Variants in AGPS observed in about 807,000 individuals in gnomAD.
AGPS encodes the protein alkylglycerone phosphate synthase.
Under a neutral mutation model 90.7 loss-of-function variants are expected in AGPS, and 26 were observed. The ratio of observed to expected loss-of-function variants is 0.29; its 90% CI spans 0.21 to 0.40. The LOEUF is 0.40. AGPS is among the 10% of genes least tolerant of loss of function. The pLI is 1.00. For synonymous variants in AGPS, 294 were observed against 285.3 expected (o/e 1.03, Z -0.31); for missense variants, 540 against 816.1 (o/e 0.66, Z 4.12).
intron 8 of AGPS, among the ~76,000 whole-genome samples, chr2:177,446,083 A>G (rs1686760059): frequency 6.6e-6 from 1 of 152,284 alleles, no homozygotes; most frequent in Admixed American, 6.5e-5. Context: ...AGTCTGAGTT[A>G]GCAAAAAAGG....
At chr2:177,480,257 G>T (rs1687904601) in intron 10 of AGPS, among the ~76,000 whole-genome samples, 1 of 152,062 alleles carries the variant, frequency 6.6e-6, no homozygotes, top group Non-Finnish European at 1.5e-5. Flanking sequence ...AAATCGTGCT[G>T]CTATAAAGAC....
At chr2:177,418,432 A>G (rs1364994875) in intron 1 of AGPS, among the ~76,000 whole-genome samples, 1 of 152,098 alleles carries the variant, frequency 6.6e-6, no homozygotes, top group Non-Finnish European at 1.5e-5. Context: ...TTGTTAAGCT[A>G]CATAAACATG....
At chr2:177,504,281 A>T (rs868240666) in intron 14 of AGPS, among the ~76,000 whole-genome samples, 1 of 149,318 alleles carries the variant, frequency 6.7e-6, no homozygotes, top group Admixed American at 6.8e-5. Flanking sequence ...CACTTGCCAC[A>T]GCAGTTTTCT....
intron 19 of AGPS, among the ~76,000 whole-genome samples, chr2:177,525,601 C>CAT (rs1175998459): frequency 6.6e-6 from 1 of 152,180 alleles, no homozygotes; most frequent in Admixed American, 6.5e-5. Context: ...GCAGCTGAAT[C>CAT]ATATATATAA....
chr2:177,446,403 A>T (rs1057167282), intron 8 of AGPS, among the ~76,000 whole-genome samples: 2 of 152,020 alleles, frequency 1.3e-5, no homozygotes, highest in African/African-American at 4.8e-5. Context: ...GGCCTCCTGA[A>T]GTGTTGGGAT....
chr2:177,525,867 C>G (rs2079082179), intron 19 of AGPS, among the ~76,000 whole-genome samples: 1 of 152,114 alleles, frequency 6.6e-6, no homozygotes, highest in Non-Finnish European at 1.5e-5. Flanking sequence ...TTGTAAGATG[C>G]AGAAAGTGTA....
intron 18 of AGPS, among the ~76,000 whole-genome samples, chr2:177,522,842 T>G: frequency 6.6e-6 from 1 of 152,306 alleles, no homozygotes; most frequent in South Asian, 2.1e-4. Flanking sequence ...CCTGATAGTT[T>G]ATACATACAC....
chr2:177,463,366 C>T (rs1227312687), intron 9 of AGPS, among the ~76,000 whole-genome samples: 1 of 152,112 alleles, frequency 6.6e-6, no homozygotes, highest in African/African-American at 2.4e-5. Context: ...CTCAAAATCT[C>T]TGGTGTGTAG....
At chr2:177,395,807 T>C (rs557492450) in intron 1 of AGPS, among the ~76,000 whole-genome samples, 2 of 152,352 alleles carry the variant, frequency 1.3e-5, no homozygotes, top group South Asian at 4.1e-4. Context: ...TATCACATGG[T>C]TGGTTATATC....
chr2:177,462,984 A>G (rs1687344801), intron 9 of AGPS, among the ~76,000 whole-genome samples: 1 of 152,128 alleles, frequency 6.6e-6, no homozygotes, highest in Non-Finnish European at 1.5e-5. Flanking sequence ...TACTTAGATG[A>G]TTTCGTTTTT....
chr2:177,519,082 T>C (rs1410645139), intron 17 of AGPS, among the ~76,000 whole-genome samples: 6 of 152,156 alleles, frequency 3.9e-5, no homozygotes, highest in Non-Finnish European at 7.3e-5. Flanking sequence ...TCCTTTGATA[T>C]TGGTTTCTTC....
chr2:177,532,880 A>G (rs1301084114), intron 19 of AGPS, among the ~76,000 whole-genome samples: 1 of 152,186 alleles, frequency 6.6e-6, no homozygotes, highest in Non-Finnish European at 1.5e-5. Context: ...AATCCATCCC[A>G]AAAGGTTACA....
chr2:177,476,996 T>A (rs1409313271), intron 10 of AGPS, among the ~76,000 whole-genome samples: 1 of 152,112 alleles, frequency 6.6e-6, no homozygotes, highest in East Asian at 1.9e-4. Flanking sequence ...GCTGTTTGCA[T>A]TATATATATT....
intron 10 of AGPS, among the ~76,000 whole-genome samples, chr2:177,475,404 G>A (rs752639431): frequency 1.3e-5 from 2 of 152,046 alleles, no homozygotes; most frequent in Admixed American, 1.3e-4. Context: ...ACAAAGTTTT[G>A]GAAATTCACC....
At chr2:177,514,694 T>C (rs1049090782) in intron 17 of AGPS, among the ~76,000 whole-genome samples, 40 of 152,174 alleles carry the variant, frequency 2.6e-4, no homozygotes, top group Non-Finnish European at 4.0e-4. Flanking sequence ...TCTTGTACTT[T>C]CCTAGTACTA....
chr2:177,498,421 T>C (rs1688470643), intron 13 of AGPS, among the ~76,000 whole-genome samples: 1 of 151,672 alleles, frequency 6.6e-6, no homozygotes, highest in Non-Finnish European at 1.5e-5. Context: ...ATGTCCTTTG[T>C]CATAAATGTT....
Position 177,437,067 on chromosome 2 carries a change from C to T in AGPS, c.637+13C>T, listed in dbSNP as rs182602770. The T allele has an allele frequency of 8.4e-4, 1,345 of 1,610,350 alleles. 3 individuals carry two copies. Among genetic ancestry groups the T allele is most frequent in the South Asian group, 1.3e-3 (116 of 90,974 alleles). On this transcript the variant is annotated intron_variant, in intron 5 of 19. Coordinates refer to ENST00000264167, the MANE Select transcript of AGPS (RefSeq NM_003659.4). ...GTTTTATGGCCAAGTAAGTTTTCCC[C>T]TCCTCGTATCATTAATTTAGTATTG...
At chr2:177,478,434 A>G (rs1315095781) in intron 10 of AGPS, among the ~76,000 whole-genome samples, 2 of 151,864 alleles carry the variant, frequency 1.3e-5, no homozygotes, top group African/African-American at 4.8e-5. Context: ...TCTTTGAATA[A>G]TTTTTTCTGC....
intron 11 of AGPS, among the ~76,000 whole-genome samples, chr2:177,491,772 C>G (rs80018498): frequency 8.1e-5 from 9 of 111,316 alleles, no homozygotes; most frequent in South Asian, 3.8e-4. Context: ...CCCCCCCCCC[C>G]CTTTTTTTTC....
Sources: allele counts gnomAD v4.1 joint callset (sites outside exome capture counted in the v4.1 genomes callset), GRCh38; gene constraint gnomAD v4.1.1; transcripts MANE v1.5; gene names NCBI Gene and HGNC (gene_info 2026-07-23, HGNC 2026-07-21).